Variants in SPTLC2 observed in about 807,000 individuals in gnomAD.
SPTLC2 encodes serine palmitoyltransferase long chain base subunit 2.
A neutral mutation model predicts 62.0 loss-of-function variants in SPTLC2; 21 were observed. The observed-to-expected ratio is 0.34, with a 90% CI of 0.24 to 0.49. The LOEUF (loss-of-function observed/expected upper bound fraction) is 0.49, where lower values mean the gene tolerates loss of function less well. Ranked by LOEUF, SPTLC2 falls within the 20% of genes least tolerant of loss-of-function variation. The pLI is 0.99. For missense variants in SPTLC2, 511 were observed against 713.0 expected (o/e 0.72, Z 3.23); for synonymous variants, 261 against 261.8 (o/e 1.00, Z 0.03).
intron 1 of SPTLC2, among the ~76,000 whole-genome samples, chr14:77,611,730 G>A (rs2079938933): frequency 6.6e-6 from 1 of 151,860 alleles, no homozygotes; most frequent in South Asian, 2.1e-4. Context: ...GGAGGCTGAG[G>A]CTGGAGAATC....
chr14:77,557,168 A>G, intron 6 of SPTLC2, 22 bp from the exon 7 acceptor site: 2 of 1,583,230 alleles, frequency 1.3e-6, no homozygotes, highest in South Asian at 2.2e-5. Flanking sequence ...AAAAAAGAAC[A>G]GTTATACCGC....
chr14:77,586,505 T>A (rs1233497793), intron 2 of SPTLC2, among the ~76,000 whole-genome samples: 1 of 152,192 alleles, frequency 6.6e-6, no homozygotes, highest in Non-Finnish European at 1.5e-5. Flanking sequence ...GAAGCACTAT[T>A]CACAACAGCC....
chr14:77,513,928 C>T (rs1465947033), intron 11 of SPTLC2, among the ~76,000 whole-genome samples: 5 of 144,074 alleles, frequency 3.5e-5, no homozygotes, highest in South Asian at 4.4e-4. Flanking sequence ...AGGCTGAACA[C>T]GGTGGCTCAA....
intron 10 of SPTLC2, among the ~76,000 whole-genome samples, chr14:77,518,844 G>C (rs933844086): frequency 6.6e-6 from 1 of 152,156 alleles, no homozygotes; most frequent in Non-Finnish European, 1.5e-5. Flanking sequence ...GAACAACACT[G>C]CTTCAGAATT....
At chr14:77,569,118 T>TTCC (rs10668423) in intron 5 of SPTLC2, among the ~76,000 whole-genome samples, 85,370 of 151,786 alleles carry the variant, frequency 0.56, 25,061 homozygotes, top group East Asian at 0.91. Flanking sequence ...TTACACAATG[T>TTCC]TCTTTATCAC....
Position 77,509,809 on chromosome 14 carries a change from A to C in SPTLC2, c.*2475T>G, listed in dbSNP as rs1044614291. ...AAAGTACAGAGGTCCTGCATAGATC[A>C]CAGGAGATTTGTCTCTTCAAAATAA... On this transcript the variant is annotated 3_prime_UTR_variant, in exon 12 of 12. Coordinates refer to ENST00000216484, the MANE Select transcript of SPTLC2 (RefSeq NM_004863.4). 2 of 398,190 alleles carry C rather than the reference A, an allele frequency of 5.0e-6. No individual in the cohort carries two copies. Among genetic ancestry groups the C allele is most frequent in the African/African-American group, 4.1e-5 (2 of 48,634 alleles). 24.7% of individuals were successfully genotyped at this position (398,190 alleles called of 1,614,324 possible).
At chr14:77,513,489 G>A (rs1253545421) in intron 11 of SPTLC2, among the ~76,000 whole-genome samples, 1 of 152,206 alleles carries the variant, frequency 6.6e-6, no homozygotes, top group African/African-American at 2.4e-5. Context: ...CTGAGAAGAG[G>A]TATAAGTGAA....
At chr14:77,523,033 T>C (rs990038616) in intron 9 of SPTLC2, among the ~76,000 whole-genome samples, 2 of 152,236 alleles carry the variant, frequency 1.3e-5, no homozygotes, top group African/African-American at 4.8e-5. Flanking sequence ...TAGATTAGCC[T>C]AGTGTGAGCA....
intron 1 of SPTLC2, among the ~76,000 whole-genome samples, chr14:77,606,373 C>CTGTG (rs59065946): frequency 0.21 from 31,697 of 148,150 alleles, 3,458 homozygotes; most frequent in East Asian, 0.29. Flanking sequence ...AGGGAGGGGA[C>CTGTG]TGTGTGTGTG....
At position 77,576,926 on chromosome 14, in the gene SPTLC2, A is replaced by G. The variant is rs370471503; in HGVS notation, c.483-11T>C. 4 of 1,614,048 alleles carry G rather than the reference A, an allele frequency of 2.5e-6. No homozygotes were observed. The African/African-American group carries it at 5.3e-5, about 22-fold the overall frequency. ...ATATTCCCTGTATACCTGTGCATCAATAGCATAAAACAATGAAACTCATGA... is the reference window on the plus strand; with the variant it reads ...ATATTCCCTGTATACCTGTGCATCAGTAGCATAAAACAATGAAACTCATGA... On this transcript the variant is annotated splice_polypyrimidine_tract_variant and intron_variant, in intron 3 of 11. Transcript: ENST00000216484.
At chr14:77,553,094 GAATA>G (rs1239696839) in intron 8 of SPTLC2, among the ~76,000 whole-genome samples, 1 of 152,064 alleles carries the variant, frequency 6.6e-6, no homozygotes, top group African/African-American at 2.4e-5. Flanking sequence ...ACATCTCACT[GAATA>G]AAGTAAAACT....
intron 11 of SPTLC2, among the ~76,000 whole-genome samples, chr14:77,514,474 A>G (rs942825699): frequency 5.3e-5 from 8 of 152,196 alleles, no homozygotes; most frequent in African/African-American, 1.9e-4. Flanking sequence ...ATGCATCGCC[A>G]TTCATTAACA....
intron 2 of SPTLC2, among the ~76,000 whole-genome samples, chr14:77,583,923 T>A (rs928250244): frequency 1.3e-5 from 2 of 152,166 alleles, no homozygotes; most frequent in Non-Finnish European, 2.9e-5. Flanking sequence ...CTGAAGATCC[T>A]CACAAATCCC....
chr14:77,583,935 T>C (rs1420218898), intron 2 of SPTLC2, among the ~76,000 whole-genome samples: 2 of 152,194 alleles, frequency 1.3e-5, no homozygotes, highest in Non-Finnish European at 1.5e-5. Context: ...ACAAATCCCA[T>C]ATCCTAGCAC....
At chr14:77,534,026 C>T (rs1357811932) in intron 9 of SPTLC2, among the ~76,000 whole-genome samples, 2 of 151,956 alleles carry the variant, frequency 1.3e-5, no homozygotes, top group Non-Finnish European at 1.5e-5. Flanking sequence ...GGTGTGGTGA[C>T]GCACGCCTGT....
intron 11 of SPTLC2, among the ~76,000 whole-genome samples, chr14:77,515,226 T>C (rs904358597): frequency 6.6e-6 from 1 of 152,234 alleles, no homozygotes; most frequent in Non-Finnish European, 1.5e-5. Flanking sequence ...ACTTTGCTTT[T>C]CCTTTTCAGT....
chr14:77,562,524 G>A (rs901769585), intron 5 of SPTLC2, 35 bp from the exon 6 acceptor site: 16 of 1,560,142 alleles, frequency 1.0e-5, no homozygotes, highest in Non-Finnish European at 1.4e-5. Flanking sequence ...GTAAGAAGCT[G>A]GAGGGGAAAG....
intron 4 of SPTLC2, among the ~76,000 whole-genome samples, chr14:77,575,395 G>T (rs1479705714): frequency 6.6e-6 from 1 of 152,028 alleles, no homozygotes; most frequent in Admixed American, 6.6e-5. Flanking sequence ...TTCCCATTTG[G>T]AGGTGGAGGA....
rs773007136 is a variant in SPTLC2, at chr14:77,570,477, C to T, written c.663G>A (p.Glu221=). 3.1e-6 allele frequency: 5 copies of T among 1,613,848 alleles called. No homozygotes were observed. Among genetic ancestry groups the T allele is most frequent in the East Asian group, 2.2e-5 (1 of 44,870 alleles). Residue 221 remains glutamate, a synonymous_variant, in exon 5 of 12, where the codon GAG becomes GAA. Transcript: ENST00000216484. ...CTACTCCTAAGAACCTTGCTACAAGCTCCTCTAGTTCTTCATGCTTGTCCA... is the reference window on the plus strand; with the variant it reads ...CTACTCCTAAGAACCTTGCTACAAGTTCCTCTAGTTCTTCATGCTTGTCCA... ...GNLDKHEELE[E]LVARFLGVEA... is the part of the protein sequence containing the mutation.
Sources: gnomAD v4.1 joint callset for allele counts (sites outside exome capture counted in the v4.1 genomes callset) on GRCh38, gnomAD v4.1.1 for gene constraint, MANE v1.5 for transcripts, NCBI Gene and HGNC (gene_info 2026-07-23, HGNC 2026-07-21) for gene names.